The following KEL variants were observed in gnomAD, a reference collection of about 807,000 sequenced individuals.
KEL encodes Kell metallo-endopeptidase (Kell blood group), also known as kell blood group glycoprotein.
In KEL, 96 loss-of-function variants were observed where a neutral mutation model predicts 99.5. The ratio of observed to expected loss-of-function variants is 0.97; its 90% CI spans 0.82 to 1.14. The LOEUF (loss-of-function observed/expected upper bound fraction) is 1.14, where lower values mean the gene tolerates loss of function less well. KEL is among the 50% of genes most tolerant of loss of function. KEL has a pLI of 0.00. For synonymous variants in KEL, 355 were observed against 354.8 expected (o/e 1.00, Z -0.01); for missense variants, 926 against 924.2 (o/e 1.00, Z -0.03).
chr7:142,941,616 C>A (rs934834857), intron 18 of KEL, among the ~76,000 whole-genome samples: 3 of 152,048 alleles, frequency 2.0e-5, no homozygotes, highest in African/African-American at 7.3e-5. Context: ...GTAATGATAC[C>A]ATTTATCAAT....
rs770715998 is a variant in KEL, at chr7:142,943,298, C to T, written c.1749G>A (p.Leu583=). 5 of 1,614,070 alleles carry T rather than the reference C, an allele frequency of 3.1e-6. No homozygotes were observed. Among genetic ancestry groups the T allele is most frequent in the Non-Finnish European group, 4.2e-6 (5 of 1,179,972 alleles). ...CACAGAGCTGGTAGAAGATGTGCAA[C>T]AGCTCGTGGGCCATGATGCTGCCAG... ...GAAGSIMAHE[L]LHIFYQLLLP... The change falls in exon 16 of 19, where the codon CTG becomes CTA. Residue 583 remains leucine (L), a synonymous_variant. Transcript: ENST00000355265.
rs8175960 is a variant in KEL at position 142,961,867 on chromosome 7, A to G, written c.9T>C (p.Gly3=). Residue 3 remains glycine (G), a synonymous_variant, in exon 2 of 19, where the codon GGT becomes GGC. Transcript: ENST00000355265. ME[G]GDQSEEEPRE... is the part of the protein sequence containing the mutation. The stretch of plus-strand genomic sequence containing the variant: ...TCGGCTCTTCCTCACTTTGGTCCCC[A>G]CCTTCCTGAAGTGAGTGGAGGGAGA... 2.7e-4 allele frequency: 429 copies of G among 1,613,878 alleles called. 1 individual carries two copies. The African/African-American group carries it at 5.4e-3, about 20-fold the overall frequency.
intron 11 of KEL, 21 bp from the exon 12 acceptor site, chr7:142,944,762 G>A: frequency 6.4e-7 from 1 of 1,570,740 alleles, no homozygotes; most frequent in Non-Finnish European, 8.8e-7. Flanking sequence ...GAGGTCCAGG[G>A]ACAGGGGGAC....
At position 142,958,309 on chromosome 7, in the gene KEL, C is replaced by T; in HGVS notation, c.520G>A (p.Glu174Lys). 1.2e-6 allele frequency: 2 copies of T among 1,614,164 alleles called. No individual in the cohort carries two copies. Among genetic ancestry groups the T allele is most frequent in the Non-Finnish European group, 1.7e-6 (2 of 1,180,032 alleles). Reference protein sequence around the residue: ...AGTGPLRQVIEELGGWRISGK... With the variant: ...AGTGPLRQVIKELGGWRISGK... ...AATATCCCAACTTTTCTCACCTCCT[C>T]AATAACTTGTCTGAGGGGACCAGTC... The change falls in exon 5 of 19, where the codon GAG becomes AAG. Residue 174 changes from glutamate (E) to lysine (K), a missense_variant. Coordinates refer to ENST00000355265, the MANE Select transcript of KEL (RefSeq NM_000420.3).
intron 14 of KEL, 45 bp from the exon 15 acceptor site, chr7:142,943,641 C>T (rs1222352828): frequency 1.4e-6 from 2 of 1,464,036 alleles, no homozygotes; most frequent in East Asian, 2.3e-5. Flanking sequence ...CCACGTATTG[C>T]CCTGCCACCC....
chr7:142,943,781 A>G lies in KEL; in HGVS notation c.1592+2T>C. ...GTGCCTGTGTCTCCCCTGCTGTCAT[A>G]CCTGTGTTGGGGGTGAGGCTGCAAG... On this transcript the variant is annotated splice_donor_variant, in intron 14 of 18. Transcript: ENST00000355265. LOFTEE classifies it high-confidence loss of function. 6.2e-7 allele frequency: 1 copy of G among 1,613,102 alleles called. No individual in the cohort carries two copies. The highest frequency in any genetic ancestry group is 8.5e-7 in the Non-Finnish European group (1 of 1,179,208).
intron 11 of KEL, among the ~76,000 whole-genome samples, chr7:142,945,301 G>A (rs1441435441): frequency 6.6e-6 from 1 of 152,196 alleles, no homozygotes; most frequent in Non-Finnish European, 1.5e-5. Context: ...TCGAGAGCCT[G>A]GGCTCTGGCA....
chr7:142,947,493 G>T (rs1026216398), intron 10 of KEL, among the ~76,000 whole-genome samples: 1 of 152,166 alleles, frequency 6.6e-6, no homozygotes, highest in African/African-American at 2.4e-5. Flanking sequence ...GGTTGCTGCA[G>T]GCCTGGCTGT....
In KEL at chr7:142,943,799, G is replaced by A. The variant is rs746565063; in HGVS notation, c.1576C>T (p.Pro526Ser). 6.8e-6 allele frequency: 11 copies of A among 1,613,942 alleles called. No homozygotes were observed. The African/African-American group carries it at 1.5e-4, about 22-fold the overall frequency. The change falls in exon 14 of 19, where the codon CCT becomes TCT. Residue 526 changes from proline to serine, a missense_variant. Pro to Ser is a moderately conservative substitution (Grantham distance 74). Coordinates refer to ENST00000355265, the MANE Select transcript of KEL (RefSeq NM_000420.3). ...CTGTCATACCTGTGTTGGGGGTGAG[G>A]CTGCAAGAAGCTCTGGACAATTCTA... Reference protein sequence around the residue: ...RARIVQSFLQPHPQHRWKVSP... With the variant: ...RARIVQSFLQSHPQHRWKVSP...
At chr7:142,955,387 T>C (rs935784154) in intron 6 of KEL, among the ~76,000 whole-genome samples, 6 of 152,184 alleles carry the variant, frequency 3.9e-5, no homozygotes. Flanking sequence ...AAAAAATTAG[T>C]ATTTTCAAAA....
intron 18 of KEL, 113 bp from the exon 19 acceptor site, chr7:142,941,526 C>A (rs993279042): frequency 1.0e-6 from 1 of 977,204 alleles, no homozygotes; most frequent in African/African-American, 1.6e-5. Context: ...GATCAAGTGC[C>A]CCAAGGGCCA....
intron 10 of KEL, 57 bp from the exon 11 acceptor site, chr7:142,946,374 C>T: frequency 7.5e-7 from 1 of 1,334,264 alleles, no homozygotes. Flanking sequence ...CCTCATCTGT[C>T]TCCCCAGTCT....
At position 142,961,124 on chromosome 7, in the gene KEL, G is replaced by C. The variant is rs764385225; in HGVS notation, c.224-20C>G. ...AGGGGCCTGTGGGGAAAAGCTCAGA[G>C]CTGGGAAAGAAGAGGCAAAAAGACA... On this transcript the variant is annotated intron_variant, in intron 3 of 18. Transcript: ENST00000355265. The C allele has an allele frequency of 6.2e-7, 1 of 1,612,766 alleles. No homozygotes were observed. Among genetic ancestry groups the C allele is most frequent in the South Asian group, 1.1e-5 (1 of 91,024 alleles).
intron 4 of KEL, 87 bp from the exon 5 acceptor site, chr7:142,958,515 G>T: frequency 1.6e-6 from 2 of 1,259,846 alleles, no homozygotes; most frequent in Non-Finnish European, 2.3e-6. Context: ...GGGGAGTCAT[G>T]CCCTATATCA....
intron 4 of KEL, among the ~76,000 whole-genome samples, chr7:142,959,979 G>A (rs1562965056): frequency 6.6e-6 from 1 of 152,220 alleles, no homozygotes; most frequent in South Asian, 2.1e-4. Context: ...GGAAATGCAT[G>A]TCTATCTTAT....
intron 14 of KEL, 86 bp downstream of exon 14, chr7:142,943,697 C>T: frequency 6.8e-7 from 1 of 1,465,880 alleles, no homozygotes; most frequent in Non-Finnish European, 9.5e-7. Context: ...GTTCATGCTG[C>T]CTGCCCTGAG....
chr7:142,943,919 A>G (rs1255001008), intron 13 of KEL, 36 bp from the exon 14 acceptor site: 1 of 1,533,252 alleles, frequency 6.5e-7, no homozygotes, highest in Non-Finnish European at 9.0e-7. Flanking sequence ...GGGCACACAG[A>G]GACTTCTATA....
intron 16 of KEL, 106 bp from the exon 17 acceptor site, chr7:142,943,150 T>C (rs1460442504): frequency 1.9e-6 from 3 of 1,555,456 alleles, no homozygotes; most frequent in African/African-American, 2.7e-5. Context: ...CCCAGGAGCA[T>C]GGCAAAGTTC....
intron 4 of KEL, among the ~76,000 whole-genome samples, chr7:142,959,601 G>A (rs1796906798): frequency 6.6e-6 from 1 of 152,158 alleles, no homozygotes; most frequent in South Asian, 2.1e-4. Context: ...AACTCATAAG[G>A]AAAGGTTTAG....
Sources: gnomAD v4.1 joint callset for allele counts (sites outside exome capture counted in the v4.1 genomes callset) on GRCh38, gnomAD v4.1.1 for gene constraint, MANE v1.5 for transcripts, NCBI Gene and HGNC (gene_info 2026-07-23, HGNC 2026-07-21) for gene names.